Variants in MED13L observed in about 807,000 individuals in gnomAD.
The protein encoded by MED13L is mediator complex subunit 13L.
MED13L carries 7 observed loss-of-function variants against 220.9 expected under a neutral mutation model. The observed-to-expected ratio is 0.03, with a 90% CI of 0.02 to 0.06. The LOEUF (loss-of-function observed/expected upper bound fraction) is 0.06, where lower values mean the gene tolerates loss of function less well. Among genes scored for constraint, MED13L ranks in the 10% least tolerant of loss-of-function variants. The pLI, the probability that MED13L is intolerant of heterozygous loss-of-function variation, is 1.00. For missense variants in MED13L, 1,965 were observed against 2,760.5 expected, an observed-to-expected ratio of 0.71 and a Z score of 6.46; for synonymous variants, 1,011 against 1,015.2, an observed-to-expected ratio of 1.00 and a Z score of 0.08.
intron 17 of MED13L, among the ~76,000 whole-genome samples, chr12:115,989,202 A>G (rs556686528): frequency 1.3e-5 from 2 of 152,192 alleles, no homozygotes; most frequent in Non-Finnish European, 2.9e-5. Context: ...CCGGGTTCGC[A>G]CATCATTCAC....
Position 116,022,415 on chromosome 12 carries a change from G to T in MED13L, c.625+41C>A, listed in dbSNP as rs114742297. On this transcript the variant is annotated intron_variant, in intron 5 of 30. Coordinates refer to ENST00000281928, the MANE Select transcript of MED13L (RefSeq NM_015335.5). ...TACTGGGCAAGATGGTTATCCACTC[G>T]GTGGCGGATAGGGGTGGAGAGCAGG... 3.7e-6 allele frequency: 6 copies of T among 1,610,048 alleles called. No individual in the cohort carries two copies. In the East Asian group the frequency reaches 1.3e-4, roughly 36 times the overall value.
chr12:116,033,017 G>C (rs992578326), intron 4 of MED13L, among the ~76,000 whole-genome samples: 1 of 152,006 alleles, frequency 6.6e-6, no homozygotes, highest in Admixed American at 6.6e-5. Flanking sequence ...GGGAGAAGAT[G>C]ATGGGGTAGA....
At position 116,015,179 on chromosome 12, in the gene MED13L, G is replaced by C. The variant is rs1879649805; in HGVS notation, c.1105C>G (p.Pro369Ala). The stretch of plus-strand genomic sequence containing the variant: ...ACCATATGATTGTGGAGTTTTGGAG[G>C]AATCTTCCCCGATCTCTTTGGACTG... The part of the protein sequence containing the change: ...MHSPKRSGKI[P>A]PKLHNHMVHR... The change falls in exon 8 of 31, where the codon CCT (proline) becomes GCT (alanine). Residue 369 changes from proline (P) to alanine (A), a missense_variant. Transcript: ENST00000281928. The C allele has an allele frequency of 1.2e-6, 2 of 1,613,634 alleles. No individual in the cohort carries two copies. The highest frequency in any genetic ancestry group is 1.1e-5 in the South Asian group (1 of 91,068).
chr12:116,212,263 A>T (rs1882742994), intron 2 of MED13L, among the ~76,000 whole-genome samples: 1 of 152,212 alleles, frequency 6.6e-6, no homozygotes, highest in South Asian at 2.1e-4. Flanking sequence ...ATTTTAAGTT[A>T]GTGTATAATA....
chr12:116,251,135 A>T (rs1031687719), intron 1 of MED13L, among the ~76,000 whole-genome samples: 14 of 139,272 alleles, frequency 1.0e-4, no homozygotes, highest in African/African-American at 2.1e-4. Flanking sequence ...AAGTAGGTTT[A>T]AAAAAAAAAA....
At chr12:116,238,581 G>A (rs1870315888) in intron 1 of MED13L, among the ~76,000 whole-genome samples, 1 of 152,162 alleles carries the variant, frequency 6.6e-6, no homozygotes, top group Admixed American at 6.5e-5. Context: ...CAGCCCAGGT[G>A]GCCCTTGCAT....
intron 2 of MED13L, among the ~76,000 whole-genome samples, chr12:116,165,130 T>C (rs982058725): frequency 1.3e-5 from 2 of 152,070 alleles, no homozygotes; most frequent in African/African-American, 4.8e-5. Flanking sequence ...GCAGTAAAAC[T>C]TCGGAAGAAC....
chr12:116,211,735 C>T (rs1882710965), intron 2 of MED13L, among the ~76,000 whole-genome samples: 1 of 152,232 alleles, frequency 6.6e-6, no homozygotes, highest in Admixed American at 6.5e-5. Flanking sequence ...CAAATAAAAG[C>T]AACTACTCAT....
At chr12:116,051,768 A>G (rs1034438048) in intron 4 of MED13L, among the ~76,000 whole-genome samples, 10 of 152,322 alleles carry the variant, frequency 6.6e-5, no homozygotes, top group Admixed American at 6.5e-4. Flanking sequence ...ACTGTGACCC[A>G]TCTCATGAAG....
intron 4 of MED13L, among the ~76,000 whole-genome samples, 159 bp from the exon 5 acceptor site, chr12:116,022,760 A>C (rs908268825): frequency 7.9e-5 from 12 of 152,248 alleles, no homozygotes; most frequent in African/African-American, 2.9e-4. Context: ...AGTATTGACA[A>C]ACTAAGCCAT....
At chr12:116,204,211 G>A (rs578102153) in intron 2 of MED13L, among the ~76,000 whole-genome samples, 1 of 152,132 alleles carries the variant, frequency 6.6e-6, no homozygotes, top group East Asian at 1.9e-4. Context: ...CAAAATTCTA[G>A]ATTACGGACC....
intron 2 of MED13L, among the ~76,000 whole-genome samples, chr12:116,211,892 T>C (rs537777160): frequency 6.6e-6 from 1 of 152,186 alleles, no homozygotes; most frequent in Non-Finnish European, 1.5e-5. Context: ...AATAGCATTG[T>C]GACATATTAC....
chr12:116,054,213 A>AC (rs1868754729), intron 4 of MED13L, among the ~76,000 whole-genome samples: 1 of 131,034 alleles, frequency 7.6e-6, no homozygotes, highest in Non-Finnish European at 1.7e-5. Context: ...CACACACACA[A>AC]ACACACACAC....
At chr12:116,097,015 C>G (rs984855362) in intron 3 of MED13L, among the ~76,000 whole-genome samples, 3 of 152,172 alleles carry the variant, frequency 2.0e-5, no homozygotes, top group Non-Finnish European at 4.4e-5. Flanking sequence ...TCTAAAACAT[C>G]TTACGCTTCA....
At chr12:116,223,628 C>T (rs532643780) in intron 2 of MED13L, among the ~76,000 whole-genome samples, 10 of 152,130 alleles carry the variant, frequency 6.6e-5, no homozygotes, top group African/African-American at 1.2e-4. Flanking sequence ...CACCTGAACC[C>T]GGGAGGTGGA....
intron 2 of MED13L, among the ~76,000 whole-genome samples, chr12:116,124,520 TCTA>T (rs1193559379): frequency 3.3e-5 from 5 of 152,204 alleles, no homozygotes; most frequent in Non-Finnish European, 7.4e-5. Context: ...CACTTTGTTA[TCTA>T]CTTTTACTAG....
intron 23 of MED13L, among the ~76,000 whole-genome samples, chr12:115,979,266 A>T (rs1015266534): frequency 2.6e-5 from 4 of 152,210 alleles, no homozygotes; most frequent in African/African-American, 9.6e-5. Flanking sequence ...ATTTATTTTA[A>T]TCTAAACCTC....
At chr12:116,025,832 T>C (rs1880355349) in intron 4 of MED13L, among the ~76,000 whole-genome samples, 2 of 152,166 alleles carry the variant, frequency 1.3e-5, no homozygotes, top group South Asian at 4.1e-4. Context: ...ATGCATTGTA[T>C]ATCTCAAAAC....
intron 4 of MED13L, among the ~76,000 whole-genome samples, chr12:116,044,071 T>C (rs1038336779): frequency 6.6e-6 from 1 of 152,222 alleles, no homozygotes; most frequent in Non-Finnish European, 1.5e-5. Context: ...AACGCCATTG[T>C]ACTATATGCT....
Sources: gnomAD v4.1 joint callset for allele counts (sites outside exome capture counted in the v4.1 genomes callset) on GRCh38, gnomAD v4.1.1 for gene constraint, MANE v1.5 for transcripts, NCBI Gene and HGNC (gene_info 2026-07-23, HGNC 2026-07-21) for gene names.